Variants in ARHGEF18 observed in about 807,000 individuals in gnomAD.
ARHGEF18 encodes the protein Rho/Rac guanine nucleotide exchange factor 18, also known as rho guanine nucleotide exchange factor 18.
ARHGEF18 carries 93 observed loss-of-function variants against 155.7 expected under a neutral mutation model. The ratio of observed to expected loss-of-function variants is 0.60; its 90% CI spans 0.50 to 0.71. The LOEUF (loss-of-function observed/expected upper bound fraction) is 0.71, where lower values mean the gene tolerates loss of function less well. ARHGEF18 is among the 30% of genes least tolerant of loss of function. The pLI, the probability that ARHGEF18 is intolerant of heterozygous loss-of-function variation, is 0.00. For missense variants in ARHGEF18, 1,593 were observed against 1,816.1 expected (o/e 0.88, Z 2.23); for synonymous variants, 742 against 753.1 (o/e 0.99, Z 0.24).
At position 7,444,164 on chromosome 19, in the gene ARHGEF18, G is replaced by T. The variant is rs1600465675; in HGVS notation, c.1361-40G>T. On this transcript the variant is annotated intron_variant, in intron 13 of 28. Transcript: ENST00000668164. The surrounding 1 kb of genome is among the most constrained non-coding windows in gnomAD (Gnocchi z 4.7). ...CCCACGACTGCCCAGCGGGGCCGTG[G>T]AGCCAGCATGGCTAAGTCCTGCCGT... 2 of 1,600,870 alleles carry T rather than the reference G, an allele frequency of 1.2e-6. No homozygotes were observed. The highest frequency in any genetic ancestry group is 3.4e-5 in the Admixed American group (2 of 59,684).
chr19:7,436,423 T>C (rs1284419985), intron 10 of ARHGEF18, among the ~76,000 whole-genome samples: 1 of 152,072 alleles, frequency 6.6e-6, no homozygotes, highest in Non-Finnish European at 1.5e-5. Flanking sequence ...ATTACAGGTG[T>C]GCACCACCAC....
At chr19:7,426,996 G>C (rs1973704614) in intron 10 of ARHGEF18, among the ~76,000 whole-genome samples, 1 of 152,174 alleles carries the variant, frequency 6.6e-6, no homozygotes, top group African/African-American at 2.4e-5. Context: ...TTGGGGTGGA[G>C]GAGCCGAGGT....
At chr19:7,409,339 A>AC (rs904749740) in intron 10 of ARHGEF18, among the ~76,000 whole-genome samples, 5 of 150,858 alleles carry the variant, frequency 3.3e-5, no homozygotes, top group Non-Finnish European at 5.9e-5. Flanking sequence ...AAAAAAAAAA[A>AC]AAAAAAAAGA....
intron 2 of ARHGEF18, among the ~76,000 whole-genome samples, chr19:7,367,866 A>ATTTTTATATATATATATTTTATATATAT: frequency 9.4e-6 from 1 of 106,096 alleles, no homozygotes; most frequent in African/African-American, 4.9e-5. Context: ...ACACATATAT[A>ATTTTTATATATATATATTTTATATATAT]TTTTTATATA....
In ARHGEF18 at chr19:7,440,574, A is replaced by T; in HGVS notation, c.1106+92A>T. ...TCTTCGGAGGGAGACCCCGACTTAG[A>T]TCTGTGTGAATCCACACGGCAGCCC... On this transcript the variant is annotated intron_variant, in intron 11 of 28. Transcript: ENST00000668164. This position sits in a 1 kb window ranked among gnomAD's most constrained non-coding sequence, Gnocchi z 5.4. The T allele has an allele frequency of 7.1e-7, 1 of 1,414,006 alleles. No individual in the cohort carries two copies. The highest frequency in any genetic ancestry group is 9.4e-7 in the Non-Finnish European group (1 of 1,059,636). The allele number at this position is 1,414,006 out of a possible 1,614,324, so 87.6% of individuals were successfully genotyped here. A position where few individuals can be genotyped will look rare whatever the true frequency, so the allele number is the denominator to read the frequency against.
At chr19:7,376,434 G>A (rs1375647866) in intron 4 of ARHGEF18, among the ~76,000 whole-genome samples, 5 of 152,020 alleles carry the variant, frequency 3.3e-5, no homozygotes, top group African/African-American at 4.8e-5. Flanking sequence ...AGGCTCCTCC[G>A]CCAGGACTAC....
At chr19:7,365,476 C>CA (rs1451630007) in intron 2 of ARHGEF18, among the ~76,000 whole-genome samples, 1 of 152,082 alleles carries the variant, frequency 6.6e-6, no homozygotes, top group African/African-American at 2.4e-5. Flanking sequence ...TGGAAGGTCC[C>CA]GGGTAAAGGA....
intron 10 of ARHGEF18, among the ~76,000 whole-genome samples, chr19:7,425,581 C>T (rs1280333887): frequency 1.3e-5 from 2 of 151,460 alleles, no homozygotes; most frequent in African/African-American, 2.4e-5. Context: ...ACTCAGGAGA[C>T]TGAGGCAGGA....
chr19:7,377,961 T>C (rs1345708212), intron 5 of ARHGEF18, among the ~76,000 whole-genome samples: 1 of 151,940 alleles, frequency 6.6e-6, no homozygotes, highest in African/African-American at 2.4e-5. Flanking sequence ...GGCATGGTGG[T>C]GTGCGCCTGT....
intron 10 of ARHGEF18, among the ~76,000 whole-genome samples, chr19:7,433,009 A>C (rs1974048562): frequency 6.6e-6 from 1 of 152,064 alleles, no homozygotes; most frequent in Non-Finnish European, 1.5e-5. Flanking sequence ...GAAAAATTTT[A>C]AATTAGCTGG....
downstream of ARHGEF18, among the ~76,000 whole-genome samples, chr19:7,474,968 C>T (rs1015354788): frequency 3.9e-5 from 6 of 151,956 alleles, no homozygotes; most frequent in African/African-American, 4.8e-5. Context: ...GCACGGTGGC[C>T]CACGCCTATA....
At chr19:7,447,271 A>G in intron 15 of ARHGEF18, 103 bp downstream of exon 15, 3 of 1,161,204 alleles carry the variant, frequency 2.6e-6, no homozygotes, top group Non-Finnish European at 3.6e-6. Context: ...CGGGCGGATC[A>G]CAAGGCCAGG....
chr19:7,396,739 C>T (rs1264220657), intron 10 of ARHGEF18, among the ~76,000 whole-genome samples: 1 of 151,116 alleles, frequency 6.6e-6, no homozygotes, highest in Non-Finnish European at 1.5e-5. Flanking sequence ...GTGTCAGGAG[C>T]ACAGGCTTGA....
At chr19:7,441,184 C>CTT (rs745422602) in intron 11 of ARHGEF18, among the ~76,000 whole-genome samples, 5,736 of 92,534 alleles carry the variant, frequency 0.062, 545 homozygotes, top group African/African-American at 0.19. Flanking sequence ...CCCCCCACCA[C>CTT]TTTTTTTTTT....
chr19:7,460,820 C>T lies in ARHGEF18; in HGVS notation c.2452+826C>T, dbSNP rs183186338. Among the ~76,000 whole-genome samples the T allele has an allele frequency of 6.6e-5, 10 of 151,380 alleles. No homozygotes were observed. The East Asian group carries it at 9.8e-4, about 15-fold the overall frequency. ...TCTTTTTTTTTTTTAAACAGAGCCT[C>T]GCTCTGTCACCAGGCTGGAATGCAG... On this transcript the variant is annotated intron_variant, in intron 20 of 28. Transcript: ENST00000668164.
rs1977000666 is a variant in ARHGEF18, at chr19:7,471,198, G to C, written c.*900G>C. On this transcript the variant is annotated 3_prime_UTR_variant, in exon 29 of 29. Coordinates refer to ENST00000668164, the MANE Select transcript of ARHGEF18 (RefSeq NM_001367823.1). This position sits in a 1 kb window ranked among gnomAD's most constrained non-coding sequence, Gnocchi z 4.4. ...CCAGGGCTGGCGTCCCACCTTCCAG[G>C]TGGGGGCTGGCACATCACAGACTGT... 5.2e-6 allele frequency: 1 copy of C among 190,680 alleles called. No homozygotes were observed. Among genetic ancestry groups the C allele is most frequent in the African/African-American group, 2.3e-5 (1 of 42,902 alleles). The allele number at this position is 190,680 out of a possible 1,614,324, so 11.8% of individuals were successfully genotyped here.
intron 2 of ARHGEF18, among the ~76,000 whole-genome samples, chr19:7,367,830 CATATATATATTTTATAT>C (rs1969975644): frequency 1.0e-5 from 1 of 97,220 alleles, no homozygotes; most frequent in African/African-American, 5.1e-5. Context: ...TATATATACA[CATATATATATTTTATAT>C]ATATATATAC....
intron 25 of ARHGEF18, 41 bp from the exon 26 acceptor site, chr19:7,467,173 G>T: frequency 6.3e-7 from 1 of 1,577,258 alleles, no homozygotes; most frequent in South Asian, 1.2e-5. Context: ...TGGCTGGGGC[G>T]CAGGTGCGGC....
chr19:7,389,118 A>G (rs1971246197), intron 10 of ARHGEF18, among the ~76,000 whole-genome samples: 1 of 146,672 alleles, frequency 6.8e-6, no homozygotes, highest in Admixed American at 6.8e-5. Context: ...CCCGAGTAGC[A>G]GGGACTACAG....
Sources: gnomAD v4.1 joint callset for allele counts (sites outside exome capture counted in the v4.1 genomes callset) on GRCh38, gnomAD v4.1.1 for gene constraint, Gnocchi (gnomAD v3.1) non-coding constraint, MANE v1.5 for transcripts, NCBI Gene and HGNC (gene_info 2026-07-23, HGNC 2026-07-21) for gene names.